Variants in NRXN1 observed in about 807,000 individuals in gnomAD.
NRXN1 encodes the protein neurexin-1.
Under a neutral mutation model 150.9 loss-of-function variants are expected in NRXN1, and 39 were observed. The ratio of observed to expected loss-of-function variants is 0.26; its 90% CI spans 0.20 to 0.34. The LOEUF (loss-of-function observed/expected upper bound fraction) is 0.34, where lower values mean the gene tolerates loss of function less well. Ranked by LOEUF, NRXN1 falls within the 10% of genes least tolerant of loss-of-function variation. The pLI, the probability that NRXN1 is intolerant of heterozygous loss-of-function variation, is 1.00. For synonymous variants in NRXN1, 924 were observed against 757.0 expected, an observed-to-expected ratio of 1.22 and a Z score of -3.62; for missense variants, 1,815 against 1,949.9, an observed-to-expected ratio of 0.93 and a Z score of 1.30.
At chr2:50,278,259 A>ATATATATATTATT (rs1317094344) in intron 17 of NRXN1, among the ~76,000 whole-genome samples, 4 of 103,084 alleles carry the variant, frequency 3.9e-5, no homozygotes, top group African/African-American at 1.6e-4. Context: ...TATATATTAT[A>ATATATATATTATT]TATATTATAT....
At chr2:50,719,407 C>T (rs1696319690) in intron 5 of NRXN1, among the ~76,000 whole-genome samples, 1 of 151,938 alleles carries the variant, frequency 6.6e-6, no homozygotes. Flanking sequence ...GGTGCGGTGG[C>T]TCATGGAACC....
At chr2:50,784,161 T>C (rs903929670) in intron 5 of NRXN1, among the ~76,000 whole-genome samples, 14 of 152,144 alleles carry the variant, frequency 9.2e-5, no homozygotes, top group African/African-American at 3.4e-4. Flanking sequence ...CTTCAATAAA[T>C]ATATTACTTT....
chr2:50,677,194 G>A lies in NRXN1; in HGVS notation c.833-53579C>T, dbSNP rs138542529. 1.6e-3 allele frequency among the ~76,000 whole-genome samples: 239 copies of A among 152,172 alleles called. 1 individual carries two copies. The highest frequency in any genetic ancestry group is 5.4e-3 in the African/African-American group (226 of 41,536). ...GTAAATTATAGGCAAAGAAAAACAC[G>A]GAGAGCAGCCAATTTGGGACATTCC... On this transcript the variant is annotated intron_variant, in intron 5 of 22. Transcript: ENST00000401669.
At chr2:50,195,032 G>T (rs959415888) in intron 18 of NRXN1, among the ~76,000 whole-genome samples, 4 of 152,084 alleles carry the variant, frequency 2.6e-5, no homozygotes, top group Non-Finnish European at 4.4e-5. Flanking sequence ...TACACAGATC[G>T]ATTTTCTGTG....
intron 2 of NRXN1, among the ~76,000 whole-genome samples, chr2:50,933,822 G>T (rs1253558973): frequency 2.6e-5 from 4 of 152,064 alleles, no homozygotes; most frequent in East Asian, 3.9e-4. Flanking sequence ...AACAGAAAGA[G>T]AAATTTCCTT....
chr2:50,647,427 T>A (rs1207924940), intron 5 of NRXN1, among the ~76,000 whole-genome samples: 2 of 151,880 alleles, frequency 1.3e-5, no homozygotes. Flanking sequence ...AATACATCTA[T>A]GAAAAATGTT....
intron 17 of NRXN1, among the ~76,000 whole-genome samples, chr2:50,250,558 T>G (rs1019138128): frequency 5.3e-5 from 8 of 152,118 alleles, no homozygotes; most frequent in African/African-American, 1.9e-4. Flanking sequence ...TTAGGACTAT[T>G]CAAGGTCAGT....
intron 18 of NRXN1, among the ~76,000 whole-genome samples, chr2:50,096,873 A>C (rs17039810): frequency 0.023 from 3,444 of 152,318 alleles, 134 homozygotes; most frequent in African/African-American, 0.078. Context: ...CTAATTCCAT[A>C]TGAAATAACA....
chr2:50,851,610 A>G (rs1371317015), intron 5 of NRXN1, among the ~76,000 whole-genome samples: 1 of 151,892 alleles, frequency 6.6e-6, no homozygotes, highest in Non-Finnish European at 1.5e-5. Flanking sequence ...GATGACCAAT[A>G]CCATTTTCAG....
chr2:50,376,744 C>T (rs562498572), intron 17 of NRXN1, among the ~76,000 whole-genome samples: 1 of 152,162 alleles, frequency 6.6e-6, no homozygotes, highest in Non-Finnish European at 1.5e-5. Context: ...TTCCCTTAGG[C>T]TCTGTAGAGT....
intron 18 of NRXN1, among the ~76,000 whole-genome samples, chr2:50,151,858 T>C (rs1436053474): frequency 1.3e-5 from 2 of 151,620 alleles, no homozygotes; most frequent in African/African-American, 2.4e-5. Flanking sequence ...AGCTGTAAAA[T>C]AGGCAAATAA....
At chr2:49,931,115 G>A (rs1006501689) in intron 22 of NRXN1, among the ~76,000 whole-genome samples, 2 of 152,160 alleles carry the variant, frequency 1.3e-5, no homozygotes, top group Non-Finnish European at 1.5e-5. Context: ...CTGGGAGACA[G>A]AGCAAGAAAG....
intron 5 of NRXN1, among the ~76,000 whole-genome samples, chr2:50,656,112 G>A (rs948924722): frequency 6.6e-6 from 1 of 151,776 alleles, no homozygotes. Context: ...TGAGTTACCC[G>A]CATTTTCTGG....
At chr2:50,829,515 G>C in intron 5 of NRXN1, 1 of 1,606,074 alleles carries the variant, frequency 6.2e-7, no homozygotes, top group Non-Finnish European at 8.5e-7. Flanking sequence ...AAACAGCACA[G>C]TGGCAAGTGC....
At chr2:50,463,795 C>T (rs908540600) in intron 17 of NRXN1, among the ~76,000 whole-genome samples, 1 of 151,660 alleles carries the variant, frequency 6.6e-6, no homozygotes, top group Non-Finnish European at 1.5e-5. Flanking sequence ...CTACATTAAG[C>T]ATAGTTTGGC....
rs1303123531 is a variant in NRXN1, at chr2:50,496,743, T to C, written c.2879+590A>G. ...ATACGGGTGGCAGAAGTATATATAT[T>C]TATATCCGTGCATGGCACCTGATGT... is the stretch of plus-strand genomic sequence containing the variant. On this transcript the variant is annotated intron_variant, in intron 14 of 22. Coordinates refer to ENST00000401669, the MANE Select transcript of NRXN1 (RefSeq NM_001330078.2). Among the ~76,000 whole-genome samples, 3 of 152,142 alleles carry C rather than the reference T, an allele frequency of 2.0e-5. No individual in the cohort carries two copies. In the East Asian group the frequency reaches 5.8e-4, roughly 29 times the overall value.
intron 2 of NRXN1, among the ~76,000 whole-genome samples, chr2:50,942,908 AAT>A (rs1689703132): frequency 6.6e-6 from 1 of 152,136 alleles, no homozygotes; most frequent in Non-Finnish European, 1.5e-5. Flanking sequence ...CCAGGGATGG[AAT>A]AACATGGTTT....
Position 50,223,592 on chromosome 2 carries a change from G to A in NRXN1, c.3546+13197C>T, listed in dbSNP as rs1554283. ...ATTTCAACTCTATTTCTCTGCTGATGCTCTATGGGATTTGGAGCCCCCAAA... is the reference window on the plus strand; with the variant it reads ...ATTTCAACTCTATTTCTCTGCTGATACTCTATGGGATTTGGAGCCCCCAAA... On this transcript the variant is annotated intron_variant, in intron 18 of 22. Coordinates refer to ENST00000401669, the MANE Select transcript of NRXN1 (RefSeq NM_001330078.2). Among the ~76,000 whole-genome samples, 924 of 152,012 alleles carry A rather than the reference G, an allele frequency of 6.1e-3. 21 individuals carry two copies. The East Asian group carries it at 0.065, about 11-fold the overall frequency.
At chr2:50,785,750 C>A (rs1200773560) in intron 5 of NRXN1, among the ~76,000 whole-genome samples, 1 of 152,066 alleles carries the variant, frequency 6.6e-6, no homozygotes, top group Non-Finnish European at 1.5e-5. Flanking sequence ...GGTAGTTTTG[C>A]AGGATGAAGC....
Sources: allele counts gnomAD v4.1 joint callset (sites outside exome capture counted in the v4.1 genomes callset), GRCh38; gene constraint gnomAD v4.1.1; transcripts MANE v1.5; gene names NCBI Gene and HGNC (gene_info 2026-07-23, HGNC 2026-07-21).